Variants in SLC24A2 observed in about 807,000 individuals in gnomAD.
SLC24A2 encodes the protein sodium/potassium/calcium exchanger 2.
Under a neutral mutation model 62.0 loss-of-function variants are expected in SLC24A2, and 36 were observed. That is an observed-to-expected ratio of 0.58 (90% confidence interval 0.44 to 0.77). The LOEUF is 0.77. SLC24A2 is among the 30% of genes least tolerant of loss of function. SLC24A2 has a pLI of 0.00. For missense variants in SLC24A2, 846 were observed against 817.9 expected (o/e 1.03, Z -0.42); for synonymous variants, 358 against 294.0 (o/e 1.22, Z -2.23).
chr9:19,849,615 G>A, the SLC24A2 span, among the ~76,000 whole-genome samples: 5 of 152,186 alleles, frequency 3.3e-5, no homozygotes, highest in Admixed American at 2.0e-4. Context: ...TTGTAAAATA[G>A]TTATGAATGT....
At chr9:20,225,041 C>T in the SLC24A2 span, among the ~76,000 whole-genome samples, 6 of 152,136 alleles carry the variant, frequency 3.9e-5, no homozygotes, top group Non-Finnish European at 7.4e-5. Flanking sequence ...GAGGAAACCA[C>T]ATCTTTGCTT....
chr9:20,142,980 A>ATAGTATTAATATATATC, the SLC24A2 span, among the ~76,000 whole-genome samples: 1 of 152,224 alleles, frequency 6.6e-6, no homozygotes, highest in African/African-American at 2.4e-5. Context: ...ATGCATGATC[A>ATAGTATTAATATATATC]CATGTAAGCT....
the SLC24A2 span, among the ~76,000 whole-genome samples, chr9:20,217,061 C>G: frequency 6.6e-6 from 1 of 152,072 alleles, no homozygotes; most frequent in Non-Finnish European, 1.5e-5. Context: ...CAAACAGAAA[C>G]AATGCAATGC....
the SLC24A2 span, among the ~76,000 whole-genome samples, chr9:20,011,126 G>A: frequency 2.5e-4 from 38 of 152,154 alleles, no homozygotes; most frequent in African/African-American, 8.4e-4. Flanking sequence ...TATATATCCA[G>A]TAATGGGATG....
chr9:19,843,295 A>G, the SLC24A2 span, among the ~76,000 whole-genome samples: 281 of 152,328 alleles, frequency 1.8e-3, 1 homozygote, highest in African/African-American at 6.0e-3. Context: ...TGAGGTCAGG[A>G]GTTCGAGACC....
At chr9:20,293,115 C>T in the SLC24A2 span, among the ~76,000 whole-genome samples, 1 of 152,208 alleles carries the variant, frequency 6.6e-6, no homozygotes, top group Non-Finnish European at 1.5e-5. Flanking sequence ...CTTATAAGGA[C>T]ATTAGTCATA....
intron 2 of SLC24A2, among the ~76,000 whole-genome samples, chr9:19,665,330 G>T (rs1819219460): frequency 6.6e-6 from 1 of 152,180 alleles, no homozygotes; most frequent in Non-Finnish European, 1.5e-5. Context: ...TGCTGAGAAG[G>T]CAGAACTGAA....
the SLC24A2 span, among the ~76,000 whole-genome samples, chr9:20,082,657 C>T: frequency 6.6e-6 from 1 of 152,242 alleles, no homozygotes; most frequent in Non-Finnish European, 1.5e-5. Context: ...TTTACCACTT[C>T]TTGACATTTT....
chr9:19,940,455 G>A, the SLC24A2 span, among the ~76,000 whole-genome samples: 1 of 152,264 alleles, frequency 6.6e-6, no homozygotes, highest in African/African-American at 2.4e-5. Context: ...TAGGTAAATT[G>A]TATGTTCTTA....
At chr9:19,983,751 C>T in the SLC24A2 span, among the ~76,000 whole-genome samples, 1 of 151,994 alleles carries the variant, frequency 6.6e-6, no homozygotes, top group Non-Finnish European at 1.5e-5. Context: ...TGAATATAAA[C>T]ACCTAGAAAT....
chr9:20,232,535 A>G, the SLC24A2 span, among the ~76,000 whole-genome samples: 1 of 152,162 alleles, frequency 6.6e-6, no homozygotes, highest in African/African-American at 2.4e-5. Flanking sequence ...AGGTGTTTAT[A>G]GTATTCTCTG....
At chr9:19,977,477 G>C in the SLC24A2 span, among the ~76,000 whole-genome samples, 3 of 152,056 alleles carry the variant, frequency 2.0e-5, no homozygotes, top group African/African-American at 7.2e-5. Flanking sequence ...TAGAGAGAAT[G>C]ATGGCCTTTT....
intron 2 of SLC24A2, among the ~76,000 whole-genome samples, chr9:19,661,840 A>G (rs191115759): frequency 2.0e-5 from 3 of 152,360 alleles, no homozygotes; most frequent in African/African-American, 7.2e-5. Context: ...CAGGAAGCCT[A>G]TCAACCTATG....
chr9:19,538,638 T>TCATCGAGGATTTTTG (rs1834091333), intron 8 of SLC24A2, among the ~76,000 whole-genome samples: 1 of 108,796 alleles, frequency 9.2e-6, no homozygotes, highest in Admixed American at 1.0e-4. Flanking sequence ...GCATCAATGT[T>TCATCGAGGATTTTTG]CATCAAGGAT....
At chr9:20,194,838 C>G in the SLC24A2 span, among the ~76,000 whole-genome samples, 1 of 152,038 alleles carries the variant, frequency 6.6e-6, no homozygotes, top group Admixed American at 6.6e-5. Flanking sequence ...TTAGGAAACA[C>G]ACACAGACAG....
At chr9:20,266,117 G>A in the SLC24A2 span, among the ~76,000 whole-genome samples, 22 of 152,214 alleles carry the variant, frequency 1.4e-4, no homozygotes, top group Non-Finnish European at 2.5e-4. Flanking sequence ...CTGTGATCTC[G>A]CCCTGCCTCC....
chr9:19,999,811 C>A, the SLC24A2 span, among the ~76,000 whole-genome samples: 1 of 152,170 alleles, frequency 6.6e-6, no homozygotes, highest in Admixed American at 6.5e-5. Context: ...ACCCAGGAGG[C>A]ACAAAGCAGT....
chr9:20,184,297 T>TC, the SLC24A2 span, among the ~76,000 whole-genome samples: 1 of 152,210 alleles, frequency 6.6e-6, no homozygotes, highest in Non-Finnish European at 1.5e-5. Context: ...CGCCTGTTAA[T>TC]CCCAGCACTT....
the SLC24A2 span, among the ~76,000 whole-genome samples, chr9:19,797,097 TTCTA>T: frequency 1.3e-5 from 2 of 152,180 alleles, no homozygotes; most frequent in Middle Eastern, 3.2e-3. Context: ...TTTTGAGAAG[TTCTA>T]TCTTATTCTT....
Sources: allele counts gnomAD v4.1 joint callset (sites outside exome capture counted in the v4.1 genomes callset), GRCh38; gene constraint gnomAD v4.1.1; transcripts MANE v1.5; gene names NCBI Gene and HGNC (gene_info 2026-07-23, HGNC 2026-07-21).